GRK7: variants seen among roughly 807,000 people sequenced by gnomAD.
GRK7 encodes rhodopsin kinase GRK7.
A neutral mutation model predicts 34.1 loss-of-function variants in GRK7; 24 were observed. The ratio of observed to expected loss-of-function variants is 0.70; its 90% CI spans 0.51 to 0.99. GRK7 has a LOEUF of 0.99. GRK7 is among the 50% of genes least tolerant of loss of function. The pLI is 0.00. For missense variants in GRK7, 644 were observed against 707.3 expected, an observed-to-expected ratio of 0.91 and a Z score of 1.02; for synonymous variants, 256 against 279.4, an observed-to-expected ratio of 0.92 and a Z score of 0.84.
intron 4 of GRK7, among the ~76,000 whole-genome samples, chr3:141,795,484 T>C (rs987035792): frequency 6.6e-6 from 1 of 152,214 alleles, no homozygotes; most frequent in Non-Finnish European, 1.5e-5. Context: ...TGCAGCTGGC[T>C]GCAGTGTGGA....
At chr3:141,755,905 T>A in the GRK7 span, among the ~76,000 whole-genome samples, 1 of 151,982 alleles carries the variant, frequency 6.6e-6, no homozygotes, top group African/African-American at 2.4e-5. Flanking sequence ...AGCTGCTTTT[T>A]AAAATGTTCA....
chr3:141,776,346 A>G (rs559660457), intron 2 of GRK7, among the ~76,000 whole-genome samples: 2 of 152,178 alleles, frequency 1.3e-5, no homozygotes, highest in Admixed American at 1.3e-4. Flanking sequence ...TGTGATATCA[A>G]TGCTACCGTT....
intron 4 of GRK7, among the ~76,000 whole-genome samples, chr3:141,783,558 G>A (rs1167818463): frequency 6.6e-6 from 1 of 152,226 alleles, no homozygotes; most frequent in Non-Finnish European, 1.5e-5. Flanking sequence ...AACGTCGCCT[G>A]TGGGATTTGG....
chr3:141,809,534 C>T (rs9835447), intron 5 of GRK7, among the ~76,000 whole-genome samples: 70,326 of 151,706 alleles, frequency 0.46, 17,721 homozygotes, highest in Middle Eastern at 0.63. Context: ...TGTGCCTCTA[C>T]GGAAAATACA....
the GRK7 span, among the ~76,000 whole-genome samples, chr3:141,756,328 G>T: frequency 1.0e-5 from 1 of 95,802 alleles, no homozygotes; most frequent in Non-Finnish European, 2.1e-5. Context: ...AAAAAAAAAG[G>T]TGGGGGGGTG....
At position 141,781,393 on chromosome 3, in the gene GRK7, C is replaced by A. The variant is rs571745950; in HGVS notation, c.1050+582C>A. 9.9e-5 allele frequency among the ~76,000 whole-genome samples: 15 copies of A among 151,768 alleles called. 1 individual carries two copies. The highest frequency in any genetic ancestry group is 3.6e-4 in the African/African-American group (15 of 41,414). On this transcript the variant is annotated intron_variant, in intron 4 of 5. Transcript: ENST00000682958. The stretch of plus-strand genomic sequence containing the variant: ...CTCTAGTAAAAATACAAAAATTAGC[C>A]AGGCATGGTGACAGGCGCCTGTAAT...
At chr3:141,751,976 C>T in the GRK7 span, among the ~76,000 whole-genome samples, 1 of 152,190 alleles carries the variant, frequency 6.6e-6, no homozygotes, top group Non-Finnish European at 1.5e-5. Flanking sequence ...CTTCTGCATA[C>T]CTTCAAAAGA....
intron 4 of GRK7, among the ~76,000 whole-genome samples, chr3:141,804,422 A>G (rs572707365): frequency 6.6e-6 from 1 of 152,108 alleles, no homozygotes; most frequent in Non-Finnish European, 1.5e-5. Context: ...CTCCCTCAAT[A>G]CCTTACACTT....
chr3:141,807,214 C>T (rs1039309393), intron 4 of GRK7, among the ~76,000 whole-genome samples: 1 of 152,080 alleles, frequency 6.6e-6, no homozygotes, highest in African/African-American at 2.4e-5. Context: ...TAATAAAGTG[C>T]TCAACCTTAA....
rs138930059 is a variant in GRK7 at position 141,794,752 on chromosome 3, G to A, written c.1051-12893G>A. 2.3e-4 allele frequency among the ~76,000 whole-genome samples: 35 copies of A among 152,324 alleles called. 1 individual carries two copies. In the Middle Eastern group the frequency reaches 0.01, roughly 44 times the overall value. ...ACAGAGGGAGTAGTGGAGACAGAACGCAGTGGATGAATTGGGGCGATATAA... is the reference window on the plus strand; with the variant it reads ...ACAGAGGGAGTAGTGGAGACAGAACACAGTGGATGAATTGGGGCGATATAA... On this transcript the variant is annotated intron_variant, in intron 4 of 5. Transcript: ENST00000682958.
chr3:141,805,811 T>C (rs1286201998), intron 4 of GRK7, among the ~76,000 whole-genome samples: 1 of 152,224 alleles, frequency 6.6e-6, no homozygotes, highest in Non-Finnish European at 1.5e-5. Flanking sequence ...TAATGTTTTC[T>C]TCATAGAGAC....
chr3:141,757,129 C>CTTTTTTTTTTTTTTTTCTTTTTT, the GRK7 span, among the ~76,000 whole-genome samples: 1 of 101,362 alleles, frequency 9.9e-6, no homozygotes, highest in Non-Finnish European at 1.9e-5. Context: ...AGATCTTCTT[C>CTTTTTTTTTTTTTTTTCTTTTTT]TTTTTTTTTT....
chr3:141,802,366 T>TCACACACACACACA (rs113029036), intron 4 of GRK7, among the ~76,000 whole-genome samples: 18,281 of 145,446 alleles, frequency 0.13, 1,193 homozygotes, highest in Non-Finnish European at 0.14. Context: ...TCTTTCTCTG[T>TCACACACACACACA]CACACACACA....
At chr3:141,803,640 A>C (rs920929049) in intron 4 of GRK7, among the ~76,000 whole-genome samples, 2 of 152,204 alleles carry the variant, frequency 1.3e-5, no homozygotes, top group Non-Finnish European at 2.9e-5. Context: ...CATGTAATAC[A>C]TGGTCATTTG....
At chr3:141,774,541 TA>T (rs1403345748) in intron 1 of GRK7, among the ~76,000 whole-genome samples, 38 bp from the exon 2 acceptor site, 9 of 152,184 alleles carry the variant, frequency 5.9e-5, no homozygotes, top group Non-Finnish European at 1.3e-4. Flanking sequence ...GTGATAAGCT[TA>T]AATATCTCTG....
intron 4 of GRK7, among the ~76,000 whole-genome samples, chr3:141,792,033 G>T (rs887721118): frequency 2.7e-5 from 4 of 148,582 alleles, no homozygotes; most frequent in African/African-American, 9.9e-5. Flanking sequence ...AAAATTGAGG[G>T]ATAGAAGGAA....
At chr3:141,791,520 C>A (rs1427695376) in intron 4 of GRK7, among the ~76,000 whole-genome samples, 1 of 152,182 alleles carries the variant, frequency 6.6e-6, no homozygotes, top group Admixed American at 6.5e-5. Flanking sequence ...TAACTTTTGA[C>A]CCCTACAGAA....
chr3:141,781,609 C>T (rs2084672838), intron 4 of GRK7, among the ~76,000 whole-genome samples: 1 of 151,592 alleles, frequency 6.6e-6, no homozygotes, highest in African/African-American at 2.4e-5. Context: ...ATGATCCTCT[C>T]ACACCTAGAA....
At chr3:141,816,430 A>G (rs533019030) in intron 5 of GRK7, among the ~76,000 whole-genome samples, 2 of 152,320 alleles carry the variant, frequency 1.3e-5, no homozygotes, top group African/African-American at 2.4e-5. Context: ...TAGTATTTCC[A>G]TGAAACACCA....
Sources: gnomAD v4.1 joint callset for allele counts (sites outside exome capture counted in the v4.1 genomes callset) on GRCh38, gnomAD v4.1.1 for gene constraint, MANE v1.5 for transcripts, NCBI Gene and HGNC (gene_info 2026-07-23, HGNC 2026-07-21) for gene names.